FAM227B: variants seen among roughly 807,000 people sequenced by gnomAD.
FAM227B encodes the protein family with sequence similarity 227 member B, also known as protein FAM227B.
A neutral mutation model predicts 73.8 loss-of-function variants in FAM227B; 88 were observed. That is an observed-to-expected ratio of 1.19 (90% CI 1.00 to 1.42). The LOEUF (loss-of-function observed/expected upper bound fraction) is 1.42, where lower values mean the gene tolerates loss of function less well. Among genes scored for constraint, FAM227B ranks in the 40% most tolerant of loss-of-function variants. FAM227B has a pLI of 0.00. For missense variants in FAM227B, 632 were observed against 590.9 expected, an observed-to-expected ratio of 1.07 and a Z score of -0.72; for synonymous variants, 210 against 190.5, an observed-to-expected ratio of 1.10 and a Z score of -0.84.
chr15:49,496,591 T>C (rs1380523968), intron 11 of FAM227B, among the ~76,000 whole-genome samples: 4 of 152,170 alleles, frequency 2.6e-5, no homozygotes, highest in Non-Finnish European at 5.9e-5. Flanking sequence ...AAGGGAGATA[T>C]CATGACATTT....
intron 11 of FAM227B, among the ~76,000 whole-genome samples, chr15:49,498,590 G>A (rs1362582827): frequency 1.3e-5 from 2 of 152,132 alleles, no homozygotes; most frequent in African/African-American, 2.4e-5. Flanking sequence ...ACGTTTTAGC[G>A]TCAGATATAA....
rs553364115 is a variant in FAM227B, at chr15:49,550,198, G to A, written c.748-8392C>T. Reference sequence around the variant, plus strand: ...TCCCTCCTGGACGGGGTGGCTGGCCGGGCGGGGGGCTGACCCCCCCACCTC... The same window carrying A: ...TCCCTCCTGGACGGGGTGGCTGGCCAGGCGGGGGGCTGACCCCCCCACCTC... On this transcript the variant is annotated intron_variant, in intron 9 of 15. Coordinates refer to ENST00000299338, the MANE Select transcript of FAM227B (RefSeq NM_152647.3). Among the ~76,000 whole-genome samples the A allele has an allele frequency of 1.6e-4, 24 of 147,200 alleles. 1 individual carries two copies. Among genetic ancestry groups the A allele is most frequent in the South Asian group, 1.3e-3 (6 of 4,628 alleles).
At position 49,611,271 on chromosome 15, in the gene FAM227B, A is replaced by G; in HGVS notation, c.52-3T>C. 6.4e-7 allele frequency: 1 copy of G among 1,557,094 alleles called. No homozygotes were observed. The highest frequency in any genetic ancestry group is 8.8e-7 in the Non-Finnish European group (1 of 1,131,994). On this transcript the variant is annotated splice_region_variant and splice_polypyrimidine_tract_variant and intron_variant, in intron 2 of 15. Transcript: ENST00000299338. ...CTCTTTGGAGGTTCTTGCATTTTCTAATAAAGTAATATCAACATTGTTCAT... is the reference window on the plus strand; with the variant it reads ...CTCTTTGGAGGTTCTTGCATTTTCTGATAAAGTAATATCAACATTGTTCAT...
intron 11 of FAM227B, among the ~76,000 whole-genome samples, chr15:49,387,827 T>C (rs374390759): frequency 2.5e-4 from 38 of 151,562 alleles, no homozygotes; most frequent in African/African-American, 8.2e-4. Flanking sequence ...TGTTGATGTA[T>C]AGCATCAAGC....
intron 11 of FAM227B, chr15:49,486,668 T>C (rs1016477168): frequency 6.6e-6 from 1 of 152,028 alleles, no homozygotes; most frequent in Non-Finnish European, 1.5e-5. Context: ...TATGGAGTTA[T>C]ACTTCCATCA....
chr15:49,463,426 C>T (rs536911219), intron 11 of FAM227B, among the ~76,000 whole-genome samples: 6 of 151,900 alleles, frequency 3.9e-5, no homozygotes, highest in South Asian at 2.1e-4. Flanking sequence ...TGGTGATGGG[C>T]GCCTGTAATC....
At chr15:49,606,939 G>T (rs1404256510) in intron 3 of FAM227B, among the ~76,000 whole-genome samples, 1 of 152,174 alleles carries the variant, frequency 6.6e-6, no homozygotes, top group African/African-American at 2.4e-5. Flanking sequence ...AAGAAAGTTA[G>T]TCAACATAAT....
chr15:49,480,474 A>ATTTTTT (rs35283556), intron 11 of FAM227B, among the ~76,000 whole-genome samples: 3 of 100,904 alleles, frequency 3.0e-5, no homozygotes, highest in Admixed American at 1.3e-4. Flanking sequence ...TGCCCAACTA[A>ATTTTTT]TTTTTTTTTT....
intron 14 of FAM227B, among the ~76,000 whole-genome samples, chr15:49,334,570 A>T (rs2151170523): frequency 6.6e-6 from 1 of 152,074 alleles, no homozygotes; most frequent in East Asian, 1.9e-4. Context: ...CGTTTTTCCC[A>T]CTAAGCACAG....
rs2055542634 is a variant in FAM227B, at chr15:49,478,211, C to T, written c.1012+30000G>A. Among the ~76,000 whole-genome samples the T allele has an allele frequency of 2.6e-5, 4 of 152,164 alleles. No individual in the cohort carries two copies. In the South Asian group the frequency reaches 8.3e-4, roughly 32 times the overall value. On this transcript the variant is annotated intron_variant, in intron 11 of 15. Transcript: ENST00000299338. ...TGTGTTAATTTGCTTAGGATAATGG[C>T]CTCCGGCTGCATCCATGTTGCAATT...
intron 3 of FAM227B, among the ~76,000 whole-genome samples, chr15:49,604,717 T>C (rs923908911): frequency 6.6e-6 from 1 of 152,078 alleles, no homozygotes; most frequent in Non-Finnish European, 1.5e-5. Context: ...CCATGTCTCA[T>C]AGGCTTTATT....
chr15:49,443,907 C>CT (rs923670863), intron 11 of FAM227B, among the ~76,000 whole-genome samples: 3 of 138,040 alleles, frequency 2.2e-5, no homozygotes, highest in Non-Finnish European at 3.2e-5. Flanking sequence ...TATATGTACA[C>CT]TTTTTTTCCC....
At chr15:49,583,654 CAAA>C (rs200243389) in intron 5 of FAM227B, among the ~76,000 whole-genome samples, 4 of 103,612 alleles carry the variant, frequency 3.9e-5, no homozygotes, top group Admixed American at 9.4e-5. Context: ...TTTCACTTGG[CAAA>C]AAAAAAAAAA....
chr15:49,333,203 G>T (rs1392612408), intron 14 of FAM227B, among the ~76,000 whole-genome samples: 3 of 152,094 alleles, frequency 2.0e-5, no homozygotes, highest in African/African-American at 4.8e-5. Flanking sequence ...CCATTAAAGT[G>T]TACAGTTCAG....
At chr15:49,579,834 A>T (rs571057528) in intron 5 of FAM227B, among the ~76,000 whole-genome samples, 41 of 152,252 alleles carry the variant, frequency 2.7e-4, no homozygotes, top group African/African-American at 5.8e-4. Context: ...TAGCTATTCT[A>T]AATAACCTGA....
intron 13 of FAM227B, among the ~76,000 whole-genome samples, chr15:49,337,172 T>C (rs1024212431): frequency 1.3e-5 from 2 of 152,216 alleles, no homozygotes; most frequent in African/African-American, 4.8e-5. Flanking sequence ...ATATGTCTTT[T>C]TGGTGGAATA....
At chr15:49,549,222 G>C (rs988487897) in intron 9 of FAM227B, among the ~76,000 whole-genome samples, 5 of 151,804 alleles carry the variant, frequency 3.3e-5, no homozygotes, top group African/African-American at 1.2e-4. Flanking sequence ...TTTGTTTAAA[G>C]AGATTTTTCA....
chr15:49,587,858 G>GT (rs1197776172), intron 5 of FAM227B, among the ~76,000 whole-genome samples, 158 bp downstream of exon 5: 1 of 151,964 alleles, frequency 6.6e-6, no homozygotes, highest in Non-Finnish European at 1.5e-5. Flanking sequence ...TGAAAAGAAA[G>GT]TAAGTGCAGC....
At chr15:49,341,658 T>G (rs2040748898) in intron 13 of FAM227B, among the ~76,000 whole-genome samples, 1 of 152,224 alleles carries the variant, frequency 6.6e-6, no homozygotes, top group African/African-American at 2.4e-5. Context: ...GGCTGAGATC[T>G]TTCTAACTTT....
Sources: allele counts gnomAD v4.1 joint callset (sites outside exome capture counted in the v4.1 genomes callset), GRCh38; gene constraint gnomAD v4.1.1; transcripts MANE v1.5; gene names NCBI Gene and HGNC (gene_info 2026-07-23, HGNC 2026-07-21).